The following LAMA4 variants were observed in gnomAD, a reference collection of about 807,000 sequenced individuals.
The protein encoded by LAMA4 is laminin subunit alpha-4.
A neutral mutation model predicts 207.1 loss-of-function variants in LAMA4; 127 were observed. The ratio of observed to expected loss-of-function variants is 0.61; its 90% confidence interval spans 0.53 to 0.71. LAMA4 has a LOEUF of 0.71. Among genes scored for constraint, LAMA4 ranks in the 30% least tolerant of loss-of-function variants. LAMA4 has a pLI of 0.00. For missense variants in LAMA4, 2,093 were observed against 2,246.5 expected, an observed-to-expected ratio of 0.93 and a Z score of 1.38; for synonymous variants, 761 against 816.0, an observed-to-expected ratio of 0.93 and a Z score of 1.15.
intron 31 of LAMA4, among the ~76,000 whole-genome samples, chr6:112,124,605 G>A (rs372935000): frequency 2.6e-5 from 4 of 152,056 alleles, no homozygotes; most frequent in Admixed American, 6.6e-5. Flanking sequence ...GGCTTTATCA[G>A]TGTAATTTTT....
Position 112,136,220 on chromosome 6 carries a change from T to C in LAMA4, c.3317A>G (p.Tyr1106Cys), listed in dbSNP as rs782096689. The part of the protein sequence containing the change: ...MFFRLEMRNG[Y>C]LHVFYDFGFS... ...TCCAAAATCATAGAACACATGTAGGTAACCATTGCGCATTTCCAGTCTGAA... is the reference window on the plus strand; with the variant it reads ...TCCAAAATCATAGAACACATGTAGGCAACCATTGCGCATTTCCAGTCTGAA... The change falls in exon 25 of 39, where the codon TAC becomes TGC. Residue 1106 changes from tyrosine (Y) to cysteine (C), a missense_variant. This residue lies in a region of LAMA4 where 1,704 missense variants were observed against 1,788.4 expected (regional missense o/e 0.95). Transcript: ENST00000230538. 5.6e-6 allele frequency: 9 copies of C among 1,611,876 alleles called. No homozygotes were observed. The African/African-American group carries it at 1.1e-4, about 19-fold the overall frequency.
chr6:112,169,724 T>C (rs536149335), intron 12 of LAMA4, among the ~76,000 whole-genome samples: 3 of 152,350 alleles, frequency 2.0e-5, no homozygotes, highest in African/African-American at 7.2e-5. Context: ...AAAGTTAAAA[T>C]GAGCACTACC....
At position 112,165,246 on chromosome 6, in the gene LAMA4, C is replaced by T. The variant is rs782385471; in HGVS notation, c.1582G>A (p.Glu528Lys). Residue 528 changes from glutamate to lysine, a missense_variant, in exon 13 of 39, where the codon GAA (glutamate) becomes AAA (lysine). Glu to Lys is a moderately conservative substitution (Grantham distance 56). Coordinates refer to ENST00000230538, the MANE Select transcript of LAMA4 (RefSeq NM_001105206.3). ...KQQERVREQMEVVNMSLSTSA... is the reference protein window; with the variant it reads ...KQQERVREQMKVVNMSLSTSA... Reference sequence around the variant, plus strand: ...GTGCTCAGAGACATGTTCACCACTTCCATTTGTTCCCTCACTCTTTCCTGT... The same window carrying T: ...GTGCTCAGAGACATGTTCACCACTTTCATTTGTTCCCTCACTCTTTCCTGT... 28 of 1,612,918 alleles carry T rather than the reference C, an allele frequency of 1.7e-5. No individual in the cohort carries two copies. Among genetic ancestry groups the T allele is most frequent in the Non-Finnish European group, 2.1e-5 (25 of 1,179,032 alleles).
intron 8 of LAMA4, chr6:112,186,887 A>C: frequency 2.2e-6 from 1 of 455,790 alleles, no homozygotes; most frequent in South Asian, 1.5e-5. Flanking sequence ...TAACTTGTTT[A>C]CTAGGTATTA....
chr6:112,174,972 T>C (rs1781937136), intron 11 of LAMA4, among the ~76,000 whole-genome samples: 1 of 152,250 alleles, frequency 6.6e-6, no homozygotes, highest in Non-Finnish European at 1.5e-5. Context: ...CCTTGTAGCA[T>C]TCCTGCCTTC....
intron 12 of LAMA4, among the ~76,000 whole-genome samples, chr6:112,170,626 T>C (rs1554341450): frequency 6.6e-6 from 1 of 152,222 alleles, no homozygotes; most frequent in Admixed American, 6.5e-5. Context: ...CTTAAGGTTT[T>C]CATTACATCA....
chr6:112,145,787 T>A (rs782701472), intron 18 of LAMA4, among the ~76,000 whole-genome samples: 11 of 152,138 alleles, frequency 7.2e-5, no homozygotes, highest in Non-Finnish European at 1.3e-4. Context: ...CTAAAAATTG[T>A]ATCTAGAGCA....
chr6:112,111,531 C>T (rs1458319757), intron 38 of LAMA4, among the ~76,000 whole-genome samples: 3 of 152,116 alleles, frequency 2.0e-5, no homozygotes, highest in Non-Finnish European at 4.4e-5. Flanking sequence ...AGCCTAATTT[C>T]TTTAGCTATC....
intron 34 of LAMA4, 58 bp downstream of exon 34, chr6:112,119,098 A>G: frequency 1.9e-6 from 3 of 1,569,404 alleles, no homozygotes; most frequent in Non-Finnish European, 2.6e-6. Flanking sequence ...GAGGGCCTCA[A>G]TTAGATGATC....
chr6:112,146,849 AC>A (rs1780059942), intron 18 of LAMA4, among the ~76,000 whole-genome samples: 1 of 152,238 alleles, frequency 6.6e-6, no homozygotes, highest in Non-Finnish European at 1.5e-5. Flanking sequence ...TGGATCACTG[AC>A]AACGACATTT....
chr6:112,139,194 C>T lies in LAMA4; in HGVS notation c.3208G>A (p.Gly1070Ser). ...TCTATGTCAAAGCGAGTCACCTGAC[C>T]AAATTTCCCTCTCCTTGTGATGTCT... ...VRDITRRGKF[G>S]QVTRFDIEVR... The change falls in exon 24 of 39, where the codon GGT becomes AGT. Residue 1070 changes from glycine to serine, a missense_variant. Gly to Ser is a moderately conservative substitution (Grantham distance 56). Around this residue, in one of 3 missense-constraint regions of LAMA4, gnomAD observed 1,704 missense variants for 1,788.4 expected, o/e 0.95. Transcript: ENST00000230538. 6 of 1,614,162 alleles carry T rather than the reference C, an allele frequency of 3.7e-6. No individual in the cohort carries two copies. The highest frequency in any genetic ancestry group is 5.1e-6 in the Non-Finnish European group (6 of 1,180,010).
intron 2 of LAMA4, among the ~76,000 whole-genome samples, chr6:112,238,965 T>G (rs1359241803): frequency 6.6e-6 from 1 of 152,186 alleles, no homozygotes; most frequent in Non-Finnish European, 1.5e-5. Flanking sequence ...TGTTGAAACC[T>G]AACCCCTAAT....
Position 112,185,264 on chromosome 6 carries a change from C to T in LAMA4, c.1050G>A (p.Leu350=). 6.2e-7 allele frequency: 1 copy of T among 1,611,510 alleles called. No individual in the cohort carries two copies. The highest frequency in any genetic ancestry group is 8.5e-7 in the Non-Finnish European group (1 of 1,177,612). ...NNAENTMKSL[L]SDVEELVEKE... is the part of the protein sequence containing the mutation. ...TTTCAACTAATTCCTCTACGTCAGA[C>T]AGAAGGCTTTTCATCGTGTTCTCAG... Residue 350 remains leucine (L), a synonymous_variant, in exon 9 of 39, where the codon CTG becomes CTA. Transcript: ENST00000230538.
chr6:112,119,919 C>T (rs1307489171), intron 33 of LAMA4, among the ~76,000 whole-genome samples: 1 of 152,166 alleles, frequency 6.6e-6, no homozygotes, highest in Non-Finnish European at 1.5e-5. Flanking sequence ...CTATCTTCCT[C>T]ACTGATTTAC....
Position 112,190,944 on chromosome 6 carries a change from TTTCC to T in LAMA4, c.718+688_718+691del, listed in dbSNP as rs1387146757. 9.1e-4 allele frequency among the ~76,000 whole-genome samples: 38 copies of T among 41,654 alleles called. 1 individual carries two copies. In the East Asian group the frequency reaches 0.016, roughly 17 times the overall value. 27.3% of individuals were successfully genotyped at this position (41,654 alleles called of 152,430 possible). ...CTTTCTTTCTTTCTTTCTTTCTTTCTTTCCTTTCTTTCTTTCTTTCTTTCTTTCT... is the reference window on the plus strand; with the variant it reads ...CTTTCTTTCTTTCTTTCTTTCTTTCTTTTCTTTCTTTCTTTCTTTCTTTCT... On this transcript the variant is annotated intron_variant, in intron 6 of 38. Transcript: ENST00000230538.
chr6:112,228,428 G>C (rs1785351665), intron 2 of LAMA4, among the ~76,000 whole-genome samples: 1 of 152,202 alleles, frequency 6.6e-6, no homozygotes, highest in Non-Finnish European at 1.5e-5. Flanking sequence ...TGAATTTCAG[G>C]AGGGGGCTTG....
At chr6:112,178,027 C>T (rs781899729) in intron 10 of LAMA4, 94 bp downstream of exon 10, 21 of 906,514 alleles carry the variant, frequency 2.3e-5, no homozygotes, top group Non-Finnish European at 3.5e-5. Context: ...TCCTGGCACA[C>T]AGCAAACACT....
chr6:112,133,565 T>C, intron 26 of LAMA4, 78 bp from the exon 27 acceptor site: 2 of 1,527,822 alleles, frequency 1.3e-6, no homozygotes, highest in Non-Finnish European at 1.8e-6. Context: ...GGAATTTGCA[T>C]TTATTTATAG....
At chr6:112,131,361 A>G (rs1365615091) in intron 28 of LAMA4, among the ~76,000 whole-genome samples, 5 of 152,066 alleles carry the variant, frequency 3.3e-5, no homozygotes, top group Non-Finnish European at 7.4e-5. Context: ...TTATGCTGGG[A>G]GTTGTCAACC....
Sources: allele counts gnomAD v4.1 joint callset (sites outside exome capture counted in the v4.1 genomes callset), GRCh38; gene constraint gnomAD v4.1.1; regional missense constraint gnomAD v4.1.1; transcripts MANE v1.5; gene names NCBI Gene and HGNC (gene_info 2026-07-23, HGNC 2026-07-21).